Variants in ADGRL3 observed in about 807,000 individuals in gnomAD.
The protein encoded by ADGRL3 is calcium-independent alpha-latrotoxin receptor 3.
In ADGRL3, 62 loss-of-function variants were observed where a neutral mutation model predicts 153.5. The ratio of observed to expected loss-of-function variants is 0.40; its 90% CI spans 0.33 to 0.50. The LOEUF (loss-of-function observed/expected upper bound fraction) is 0.50. Ranked by LOEUF, ADGRL3 falls within the 20% of genes least tolerant of loss-of-function variation. The pLI, the probability that ADGRL3 is intolerant of heterozygous loss-of-function variation, is 0.47. For missense variants in ADGRL3, 1,641 were observed against 1,859.4 expected (o/e 0.88, Z 2.16); for synonymous variants, 710 against 672.5 (o/e 1.06, Z -0.86).
chr4:62,028,885 A>T lies in ADGRL3; in HGVS notation c.3422+4A>T. ...AGGATAACAGACCCTTCATCAAGTA[A>T]GAATGACCTGAATGGCTGATAAATT... On this transcript the variant is annotated splice_donor_region_variant and intron_variant, in intron 22 of 26. Coordinates refer to ENST00000683033, the MANE Select transcript of ADGRL3 (RefSeq NM_001387552.1). 1 of 1,605,194 alleles carries T rather than the reference A, an allele frequency of 6.2e-7. No individual in the cohort carries two copies. Among genetic ancestry groups the T allele is most frequent in the South Asian group, 1.1e-5 (1 of 89,772 alleles).
chr4:61,375,604 T>C (rs1323483636), intron 1 of ADGRL3, among the ~76,000 whole-genome samples: 4 of 152,150 alleles, frequency 2.6e-5, no homozygotes, highest in Non-Finnish European at 4.4e-5. Flanking sequence ...AGTGCTTAAA[T>C]AATATATATG....
intron 1 of ADGRL3, among the ~76,000 whole-genome samples, chr4:61,228,773 A>T (rs1003396819): frequency 6.6e-6 from 1 of 152,152 alleles, no homozygotes; most frequent in Non-Finnish European, 1.5e-5. Context: ...GCTCACTGCA[A>T]ACTCTACCTC....
chr4:62,018,084 A>T (rs2099221442), intron 21 of ADGRL3, among the ~76,000 whole-genome samples: 1 of 152,120 alleles, frequency 6.6e-6, no homozygotes, highest in South Asian at 2.1e-4. Flanking sequence ...ACTGTTTGCA[A>T]ATTGAGCAGT....
intron 9 of ADGRL3, among the ~76,000 whole-genome samples, chr4:61,854,000 C>G (rs930359003): frequency 1.3e-5 from 2 of 152,164 alleles, no homozygotes. Flanking sequence ...ACAGTCATGA[C>G]AGTTATCATT....
At chr4:61,909,814 T>C in intron 12 of ADGRL3, 69 bp downstream of exon 12, 1 of 1,218,692 alleles carries the variant, frequency 8.2e-7, no homozygotes, top group African/African-American at 1.5e-5. Context: ...TTTAAAGTTG[T>C]AATAAAATCA....
intron 23 of ADGRL3, 21 bp downstream of exon 23, chr4:62,031,631 T>A (rs747284957): frequency 2.9e-5 from 45 of 1,556,138 alleles, no homozygotes; most frequent in Middle Eastern, 1.7e-4. Flanking sequence ...ATTCTTTTTT[T>A]AAAATAAAAA....
intron 3 of ADGRL3, among the ~76,000 whole-genome samples, chr4:61,508,721 C>T (rs140840245): frequency 4.6e-4 from 70 of 152,210 alleles, no homozygotes; most frequent in African/African-American, 1.5e-3. Flanking sequence ...GTTTTCCGAC[C>T]TTGCCTCACT....
intron 1 of ADGRL3, among the ~76,000 whole-genome samples, chr4:61,371,738 T>C (rs1298075778): frequency 6.6e-6 from 1 of 152,096 alleles, no homozygotes; most frequent in Admixed American, 6.5e-5. Context: ...GGAGTATCTT[T>C]GTGGCGTTCT....
intron 19 of ADGRL3, 81 bp from the exon 20 acceptor site, chr4:61,996,210 C>T (rs1206953487): frequency 6.0e-6 from 5 of 830,308 alleles, no homozygotes; most frequent in Non-Finnish European, 1.0e-5. Flanking sequence ...AGCTCACATT[C>T]TTCTCTGTCA....
At chr4:61,502,406 G>A (rs2098395826) in intron 3 of ADGRL3, among the ~76,000 whole-genome samples, 1 of 151,866 alleles carries the variant, frequency 6.6e-6, no homozygotes, top group South Asian at 2.1e-4. Flanking sequence ...ATAACGGCGA[G>A]CGGTATGTTT....
At chr4:61,613,861 A>G (rs1398198532) in intron 5 of ADGRL3, among the ~76,000 whole-genome samples, 2 of 152,172 alleles carry the variant, frequency 1.3e-5, no homozygotes, top group African/African-American at 4.8e-5. Context: ...AAAATGAACA[A>G]TGGAATAGCA....
intron 5 of ADGRL3, among the ~76,000 whole-genome samples, chr4:61,670,379 A>G (rs951649510): frequency 2.0e-5 from 3 of 152,164 alleles, no homozygotes; most frequent in African/African-American, 7.2e-5. Flanking sequence ...TATGTCTATT[A>G]TGTGAGAATT....
Position 61,813,872 on chromosome 4 carries a change from A to G in ADGRL3, c.1463A>G (p.Glu488Gly), listed in dbSNP as rs1174896049. ...CCAATTCACCTTGACTCTGAGCTAG[A>G]AAGACCCTCTGTTAAAGGTGAGTTT... The part of the protein sequence containing the change: ...SPPIHLDSEL[E>G]RPSVKDISTT... The change falls in exon 9 of 27, where the codon GAA becomes GGA. Residue 488 changes from glutamate to glycine, a missense_variant. Physicochemically the swap from Glu to Gly is moderately conservative, Grantham distance 98. This residue lies in a region of ADGRL3 where 734 missense variants were observed against 797.0 expected (regional missense o/e 0.92). Transcript: ENST00000683033. 6.3e-7 allele frequency: 1 copy of G among 1,589,224 alleles called. No individual in the cohort carries two copies. Among genetic ancestry groups the G allele is most frequent in the Non-Finnish European group, 8.6e-7 (1 of 1,157,638 alleles).
At chr4:61,466,393 G>A (rs1042870803) in intron 2 of ADGRL3, among the ~76,000 whole-genome samples, 1 of 152,076 alleles carries the variant, frequency 6.6e-6, no homozygotes. Context: ...TAAACATTTT[G>A]TATTATTAGT....
intron 6 of ADGRL3, among the ~76,000 whole-genome samples, chr4:61,719,286 A>G (rs78678601): frequency 0.026 from 3,937 of 152,290 alleles, 60 homozygotes; most frequent in East Asian, 0.1. Flanking sequence ...ATACTACAGA[A>G]CTAAATCCAT....
chr4:61,442,379 G>C (rs1057168686), intron 2 of ADGRL3, among the ~76,000 whole-genome samples: 2 of 152,162 alleles, frequency 1.3e-5, no homozygotes, highest in Non-Finnish European at 1.5e-5. Context: ...ATGACTAGAC[G>C]TTAGTTTGAA....
chr4:62,002,552 T>G (rs1378251085), intron 21 of ADGRL3, among the ~76,000 whole-genome samples: 3 of 151,802 alleles, frequency 2.0e-5, no homozygotes, highest in Non-Finnish European at 4.4e-5. Context: ...TAAAGAATTC[T>G]CTAGAAAAAA....
At chr4:61,312,761 A>G (rs1176313732) in intron 1 of ADGRL3, among the ~76,000 whole-genome samples, 2 of 152,200 alleles carry the variant, frequency 1.3e-5, no homozygotes, top group African/African-American at 4.8e-5. Flanking sequence ...AGCAACAGGA[A>G]CTGTTACTCA....
intron 5 of ADGRL3, among the ~76,000 whole-genome samples, chr4:61,613,909 C>A (rs2091691795): frequency 6.6e-6 from 1 of 152,144 alleles, no homozygotes; most frequent in Non-Finnish European, 1.5e-5. Context: ...AAGATTCCAA[C>A]TGTGAAGAAA....
Sources: allele counts gnomAD v4.1 joint callset (sites outside exome capture counted in the v4.1 genomes callset), GRCh38; gene constraint gnomAD v4.1.1; regional missense constraint gnomAD v4.1.1; transcripts MANE v1.5; gene names NCBI Gene and HGNC (gene_info 2026-07-23, HGNC 2026-07-21).